DMRT1: variants seen among roughly 807,000 people sequenced by gnomAD.
The protein encoded by DMRT1 is doublesex- and mab-3-related transcription factor 1.
Under a neutral mutation model 32.3 loss-of-function variants are expected in DMRT1, and 7 were observed. That is an observed-to-expected ratio of 0.22 (90% CI 0.12 to 0.41). The LOEUF (loss-of-function observed/expected upper bound fraction) is 0.41, where lower values mean the gene tolerates loss of function less well. DMRT1 is among the 10% of genes least tolerant of loss of function. The pLI, the probability that DMRT1 is intolerant of heterozygous loss-of-function variation, is 1.00. For missense variants in DMRT1, 625 were observed against 500.5 expected, an observed-to-expected ratio of 1.25 and a Z score of -2.37; for synonymous variants, 278 against 206.1, an observed-to-expected ratio of 1.35 and a Z score of -2.99.
At chr9:951,105 A>G (rs1010449783) in intron 4 of DMRT1, among the ~76,000 whole-genome samples, 1 of 152,190 alleles carries the variant, frequency 6.6e-6, no homozygotes, top group Non-Finnish European at 1.5e-5. Context: ...TTAAAAGTTC[A>G]TTTTATTAAA....
chr9:944,002 C>T (rs1022944872), intron 4 of DMRT1, among the ~76,000 whole-genome samples: 2 of 152,136 alleles, frequency 1.3e-5, no homozygotes, highest in Admixed American at 1.3e-4. Flanking sequence ...TTTGGGGTCT[C>T]TCAGACCTGG....
rs147557244 is a variant in DMRT1 at position 902,747 on chromosome 9, C to G, written c.822+8552C>G. Reference sequence around the variant, plus strand: ...CGAGTGATCCGCCCACCTCAGCTTCCCAAAGTGCTGGGATTACAGGTGTGA... The same window carrying G: ...CGAGTGATCCGCCCACCTCAGCTTCGCAAAGTGCTGGGATTACAGGTGTGA... On this transcript the variant is annotated intron_variant, in intron 3 of 4. Transcript: ENST00000382276. Among the ~76,000 whole-genome samples, 710 of 152,228 alleles carry G rather than the reference C, an allele frequency of 4.7e-3. 6 individuals carry two copies. Among genetic ancestry groups the G allele is most frequent in the Non-Finnish European group, 7.6e-3 (517 of 68,014 alleles).
At chr9:875,068 C>G (rs1816439927) in intron 2 of DMRT1, among the ~76,000 whole-genome samples, 1 of 151,870 alleles carries the variant, frequency 6.6e-6, no homozygotes, top group Admixed American at 6.6e-5. Context: ...CCTCAGCCTC[C>G]CAAAGTGCTG....
At chr9:902,519 C>G (rs1817627526) in intron 3 of DMRT1, among the ~76,000 whole-genome samples, 1 of 150,182 alleles carries the variant, frequency 6.7e-6, no homozygotes, top group Non-Finnish European at 1.5e-5. Flanking sequence ...TGGAGTCTTG[C>G]TGTCTTGCCC....
chr9:863,566 G>A (rs1012827108), intron 2 of DMRT1, among the ~76,000 whole-genome samples: 2 of 152,126 alleles, frequency 1.3e-5, no homozygotes, highest in Non-Finnish European at 2.9e-5. Context: ...AACACACAGG[G>A]AGCTGAATTC....
chr9:852,755 G>C (rs1011643115), intron 2 of DMRT1, among the ~76,000 whole-genome samples: 19 of 152,114 alleles, frequency 1.2e-4, no homozygotes, highest in Non-Finnish European at 2.8e-4. Context: ...AACCACCTCG[G>C]GCCCCCCTGG....
intron 4 of DMRT1, among the ~76,000 whole-genome samples, chr9:956,233 G>A (rs182998853): frequency 4.2e-4 from 64 of 152,298 alleles, no homozygotes; most frequent in Admixed American, 7.8e-4. Flanking sequence ...AAATCATAGA[G>A]CCAGAAAGTA....
At chr9:864,196 T>TAA (rs1815856374) in intron 2 of DMRT1, among the ~76,000 whole-genome samples, 2 of 124,554 alleles carry the variant, frequency 1.6e-5, no homozygotes, top group Non-Finnish European at 3.2e-5. Flanking sequence ...TTTAACTTCT[T>TAA]CTTCTTCTTT....
chr9:887,229 G>A (rs2132640586), intron 2 of DMRT1, among the ~76,000 whole-genome samples: 1 of 152,254 alleles, frequency 6.6e-6, no homozygotes, highest in Admixed American at 6.5e-5. Context: ...TTAGTTGTTT[G>A]GAGGGAATTC....
intron 2 of DMRT1, among the ~76,000 whole-genome samples, chr9:877,624 G>C (rs971950194): frequency 6.6e-6 from 1 of 152,144 alleles, no homozygotes; most frequent in African/African-American, 2.4e-5. Context: ...AAAAAAAGAA[G>C]CTAAATATGG....
chr9:933,037 C>T (rs1322316123), intron 4 of DMRT1, among the ~76,000 whole-genome samples: 4 of 152,044 alleles, frequency 2.6e-5, no homozygotes, highest in Non-Finnish European at 4.4e-5. Context: ...CTCAGCCTCC[C>T]GAGTGGCTGG....
At chr9:926,325 G>A (rs1274757733) in intron 4 of DMRT1, among the ~76,000 whole-genome samples, 1 of 152,020 alleles carries the variant, frequency 6.6e-6, no homozygotes, top group East Asian at 1.9e-4. Flanking sequence ...ATTTGATAAG[G>A]GCAGAAATCA....
intron 2 of DMRT1, among the ~76,000 whole-genome samples, chr9:861,642 C>T (rs1478326415): frequency 6.0e-5 from 9 of 150,714 alleles, no homozygotes; most frequent in East Asian, 4.0e-4. Context: ...GGGCAGCGGC[C>T]GGGCAGAGGG....
chr9:868,254 C>T (rs1327130805), intron 2 of DMRT1, among the ~76,000 whole-genome samples: 1 of 152,214 alleles, frequency 6.6e-6, no homozygotes, highest in Non-Finnish European at 1.5e-5. Context: ...GCTGGGATTA[C>T]AGGCGTGACC....
intron 2 of DMRT1, among the ~76,000 whole-genome samples, chr9:867,944 A>T (rs536585608): frequency 6.6e-6 from 1 of 152,302 alleles, no homozygotes; most frequent in East Asian, 1.9e-4. Context: ...CTTTGTGGTT[A>T]TATAGTGATA....
At chr9:941,203 G>T (rs775845248) in intron 4 of DMRT1, among the ~76,000 whole-genome samples, 12 of 152,102 alleles carry the variant, frequency 7.9e-5, no homozygotes, top group Non-Finnish European at 1.8e-4. Flanking sequence ...TGAAAGCAGG[G>T]TCCAGAGATA....
chr9:863,178 T>C (rs1434975271), intron 2 of DMRT1, among the ~76,000 whole-genome samples: 1 of 127,398 alleles, frequency 7.8e-6, no homozygotes, highest in Non-Finnish European at 1.7e-5. Context: ...ATTAGCCAGG[T>C]GTGGGGGTGG....
intron 2 of DMRT1, among the ~76,000 whole-genome samples, chr9:862,071 A>AG (rs1815727639): frequency 6.7e-6 from 1 of 149,840 alleles, no homozygotes; most frequent in Non-Finnish European, 1.5e-5. Context: ...GCGGCCAGGC[A>AG]GAGACGCTCC....
intron 3 of DMRT1, among the ~76,000 whole-genome samples, chr9:905,488 C>CTGTGTGTGTGTGTGTGTGTG (rs57056050): frequency 4.7e-5 from 7 of 147,832 alleles, no homozygotes; most frequent in South Asian, 2.2e-4. Context: ...GTGTGTGTGT[C>CTGTGTGTGTGTGTGTGTGTG]TGTGTGTGTG....
Sources: gnomAD v4.1 joint callset for allele counts (sites outside exome capture counted in the v4.1 genomes callset) on GRCh38, gnomAD v4.1.1 for gene constraint, MANE v1.5 for transcripts, NCBI Gene and HGNC (gene_info 2026-07-23, HGNC 2026-07-21) for gene names.